ZNF76: variants seen among roughly 807,000 people sequenced by gnomAD.
ZNF76 encodes zinc finger protein 76.
A neutral mutation model predicts 66.9 loss-of-function variants in ZNF76; 66 were observed. The observed-to-expected ratio is 0.99, with a 90% CI of 0.81 to 1.21. The LOEUF (loss-of-function observed/expected upper bound fraction) is 1.21. ZNF76 is among the 50% of genes most tolerant of loss of function. The pLI, the probability that ZNF76 is intolerant of heterozygous loss-of-function variation, is 0.00. For synonymous variants in ZNF76, 275 were observed against 296.1 expected, an observed-to-expected ratio of 0.93 and a Z score of 0.73; for missense variants, 729 against 760.3, an observed-to-expected ratio of 0.96 and a Z score of 0.48.
At chr6:35,294,431 TG>T in intron 12 of ZNF76, 24 bp from the exon 13 acceptor site, 9 of 1,520,400 alleles carry the variant, frequency 5.9e-6, no homozygotes, top group Non-Finnish European at 7.3e-6. Flanking sequence ...GCAGGTGGAA[TG>T]GAAGACCTCC....
At chr6:35,270,125 C>G (rs969106434) in intron 1 of ZNF76, among the ~76,000 whole-genome samples, 2 of 151,964 alleles carry the variant, frequency 1.3e-5, no homozygotes, top group Non-Finnish European at 2.9e-5. Flanking sequence ...AACACATTCT[C>G]AAGGCTTTTT....
At chr6:35,271,976 G>A (rs1259952299) in intron 1 of ZNF76, among the ~76,000 whole-genome samples, 5 of 151,580 alleles carry the variant, frequency 3.3e-5, no homozygotes, top group South Asian at 2.1e-4. Flanking sequence ...ATGGTGGCAC[G>A]CACCTGTAGT....
intron 11 of ZNF76, 43 bp downstream of exon 11, chr6:35,293,087 C>T: frequency 6.3e-7 from 1 of 1,595,628 alleles, no homozygotes; most frequent in Admixed American, 1.7e-5. Flanking sequence ...AGCTGGCACT[C>T]TCCACTCTCT....
Position 35,291,680 on chromosome 6 carries a change from T to C in ZNF76, c.874T>C (p.Cys292Arg), listed in dbSNP as rs1790407046. Residue 292 changes from cysteine (C) to arginine (R), a missense_variant, in exon 9 of 14, where the codon TGT becomes CGT. Transcript: ENST00000373953. ...GCCCTACACCTGCCCGGAGCCCCACTGTGGCCGCGGCTTCACCAGCGCCAC... is the reference window on the plus strand; with the variant it reads ...GCCCTACACCTGCCCGGAGCCCCACCGTGGCCGCGGCTTCACCAGCGCCAC... ...ERPYTCPEPH[C>R]GRGFTSATNY... is the part of the protein sequence containing the mutation. The C allele has an allele frequency of 3.1e-6, 5 of 1,613,588 alleles. No individual in the cohort carries two copies. Among genetic ancestry groups the C allele is most frequent in the East Asian group, 2.2e-5 (1 of 44,868 alleles).
At chr6:35,278,232 G>A (rs1196863283) in intron 1 of ZNF76, among the ~76,000 whole-genome samples, 1 of 151,788 alleles carries the variant, frequency 6.6e-6, no homozygotes, top group Non-Finnish European at 1.5e-5. Flanking sequence ...GCAATGACAC[G>A]ATCTCGGCTC....
intron 1 of ZNF76, among the ~76,000 whole-genome samples, chr6:35,272,507 G>GTGTGTGTA (rs1787246513): frequency 1.0e-5 from 1 of 97,952 alleles, no homozygotes; most frequent in Non-Finnish European, 2.4e-5. Flanking sequence ...GTGTGTGTGT[G>GTGTGTGTA]TGTGTATGTA....
At position 35,287,805 on chromosome 6, in the gene ZNF76, G is replaced by T. The variant is rs760624974; in HGVS notation, c.392G>T (p.Ser131Ile). ...GCAGCAGAGGATGATGAGGGCTTCA[G>T]TGCAGACGCAGTGGTGGCCCTGGAG... Reference protein sequence around the residue: ...DLAAEDDEGFSADAVVALEQY... With the variant: ...DLAAEDDEGFIADAVVALEQY... Residue 131 changes from serine to isoleucine, a missense_variant, in exon 5 of 14, where the codon AGT becomes ATT. Physicochemically the swap from Ser to Ile is moderately radical, Grantham distance 142. Transcript: ENST00000373953. This position sits in a 1 kb window ranked among gnomAD's most constrained non-coding sequence, Gnocchi z 4.0. 9 of 1,611,176 alleles carry T rather than the reference G, an allele frequency of 5.6e-6. No homozygotes were observed. The highest frequency in any genetic ancestry group is 7.6e-6 in the Non-Finnish European group (9 of 1,178,670).
Position 35,294,533 on chromosome 6 carries a change from G to A in ZNF76, c.1572G>A (p.Leu524=). The change falls in exon 13 of 14, where the codon CTG becomes CTA. Residue 524 remains leucine, a synonymous_variant. Transcript: ENST00000373953. ...CTCTTCGTCATCAACAGGTGGCACT[G>A]TTGGCCACAGCCAACGGAACGCACA... ...VASLRHQQVA[L]LATANGTHIA... is the part of the protein sequence containing the mutation. 2.5e-6 allele frequency: 4 copies of A among 1,614,106 alleles called. No homozygotes were observed. Among genetic ancestry groups the A allele is most frequent in the Non-Finnish European group, 3.4e-6 (4 of 1,179,954 alleles).
At chr6:35,275,667 G>GTATT in intron 1 of ZNF76, among the ~76,000 whole-genome samples, 1 of 152,286 alleles carries the variant, frequency 6.6e-6, no homozygotes, top group African/African-American at 2.4e-5. Context: ...GGGAACAACA[G>GTATT]TAGCCTCTTT....
chr6:35,284,421 C>T (rs1203630903), intron 2 of ZNF76, among the ~76,000 whole-genome samples: 1 of 149,908 alleles, frequency 6.7e-6, no homozygotes, highest in Non-Finnish European at 1.5e-5. Context: ...CTTTTTGAGA[C>T]AGGACCTCAC....
chr6:35,265,384 G>T (rs1785851253), intron 1 of ZNF76, among the ~76,000 whole-genome samples: 1 of 151,936 alleles, frequency 6.6e-6, no homozygotes, highest in South Asian at 2.1e-4. Context: ...GCAGGCACCT[G>T]TAATCCCAGC....
chr6:35,281,269 C>G, intron 2 of ZNF76, 45 bp downstream of exon 2: 1 of 1,583,428 alleles, frequency 6.3e-7, no homozygotes, highest in African/African-American at 1.3e-5. Flanking sequence ...GTCCCTCAGC[C>G]TCTGGAAAGG....
intron 3 of ZNF76, 56 bp from the exon 4 acceptor site, chr6:35,286,266 G>T: frequency 2.5e-6 from 4 of 1,613,314 alleles, no homozygotes; most frequent in Non-Finnish European, 3.4e-6. Context: ...CCCCCACCAA[G>T]GGACCCCTCC....
At chr6:35,291,250 T>C (rs1410378045) in intron 7 of ZNF76, 28 bp from the exon 8 acceptor site, 2 of 1,586,234 alleles carry the variant, frequency 1.3e-6, no homozygotes, top group Non-Finnish European at 8.6e-7. Flanking sequence ...GGTGCTCATC[T>C]CACCCCCTGC....
intron 9 of ZNF76, chr6:35,291,957 C>T (rs1377007746): frequency 8.5e-5 from 52 of 609,436 alleles, no homozygotes; most frequent in Non-Finnish European, 1.2e-4. Context: ...TGCCAGTCCT[C>T]TCTGGGGTCC....
intron 2 of ZNF76, 48 bp downstream of exon 2, chr6:35,281,272 TG>T (rs1244945241): frequency 1.3e-6 from 2 of 1,567,180 alleles, no homozygotes; most frequent in East Asian, 4.5e-5. Context: ...CCTCAGCCTC[TG>T]GAAAGGAGTG....
chr6:35,282,208 A>G (rs1363006001), intron 2 of ZNF76, among the ~76,000 whole-genome samples: 1 of 152,050 alleles, frequency 6.6e-6, no homozygotes, highest in Non-Finnish European at 1.5e-5. Context: ...GCTTGGTGGC[A>G]TGCACCTGTA....
intron 5 of ZNF76, 52 bp from the exon 6 acceptor site, chr6:35,290,214 A>G: frequency 6.2e-7 from 1 of 1,604,744 alleles, no homozygotes. Context: ...CCTGTGTCCC[A>G]CCTTCTTCAC....
chr6:35,271,586 C>G (rs551628334), intron 1 of ZNF76, among the ~76,000 whole-genome samples: 3 of 151,558 alleles, frequency 2.0e-5, no homozygotes, highest in Non-Finnish European at 4.4e-5. Context: ...AGGAGAATCA[C>G]TTGAACCCTG....
Sources: allele counts gnomAD v4.1 joint callset (sites outside exome capture counted in the v4.1 genomes callset), GRCh38; gene constraint gnomAD v4.1.1; non-coding constraint Gnocchi (gnomAD v3.1); transcripts MANE v1.5; gene names NCBI Gene and HGNC (gene_info 2026-07-23, HGNC 2026-07-21).